SAMD5: variants seen among roughly 807,000 people sequenced by gnomAD.
The protein encoded by SAMD5 is sterile alpha motif domain-containing protein 5.
Under a neutral mutation model 11.3 loss-of-function variants are expected in SAMD5, and 13 were observed. The ratio of observed to expected loss-of-function variants is 1.15; its 90% confidence interval spans 0.75 to 1.83. The LOEUF (loss-of-function observed/expected upper bound fraction) is 1.83, where lower values mean the gene tolerates loss of function less well. Ranked by LOEUF, SAMD5 falls within the 40% of genes most tolerant of loss-of-function variation. The pLI is 0.00. For missense variants in SAMD5, 255 were observed against 239.1 expected (o/e 1.07, Z -0.44); for synonymous variants, 129 against 111.3 (o/e 1.16, Z -1.00).
At chr6:147,718,074 A>G (rs1004403851) in intron 1 of SAMD5, among the ~76,000 whole-genome samples, 3 of 152,160 alleles carry the variant, frequency 2.0e-5, no homozygotes, top group African/African-American at 2.4e-5. Flanking sequence ...TTTGAAAAGT[A>G]TTGGCTTTGA....
At chr6:147,909,616 CT>C in the SAMD5 span, among the ~76,000 whole-genome samples, 3,200 of 70,006 alleles carry the variant, frequency 0.046, 372 homozygotes, top group African/African-American at 0.11. Context: ...TTCTTTCTTT[CT>C]TTCTTTCTTT....
the SAMD5 span, among the ~76,000 whole-genome samples, chr6:147,837,394 T>C: frequency 6.6e-6 from 1 of 152,330 alleles, no homozygotes; most frequent in African/African-American, 2.4e-5. Context: ...GCCAACTCGC[T>C]CATGGCACTC....
intron 1 of SAMD5, among the ~76,000 whole-genome samples, chr6:147,541,053 G>T (rs925795853): frequency 1.4e-5 from 2 of 146,568 alleles, no homozygotes; most frequent in African/African-American, 5.0e-5. Context: ...GGGTTCAAGC[G>T]ATTCTCCTGC....
chr6:147,542,058 G>A (rs1036648102), intron 1 of SAMD5, among the ~76,000 whole-genome samples: 2 of 152,126 alleles, frequency 1.3e-5, no homozygotes, highest in African/African-American at 4.8e-5. Context: ...CCCGCAATGG[G>A]GCTACAGAAA....
chr6:147,610,011 G>A (rs1335674183), intron 1 of SAMD5, among the ~76,000 whole-genome samples: 1 of 152,154 alleles, frequency 6.6e-6, no homozygotes, highest in East Asian at 1.9e-4. Flanking sequence ...TCATCAAACA[G>A]TTGGGAAAAT....
intron 1 of SAMD5, among the ~76,000 whole-genome samples, chr6:147,544,173 C>T (rs1247374380): frequency 2.0e-5 from 3 of 152,134 alleles, no homozygotes; most frequent in African/African-American, 7.2e-5. Context: ...ACTTGCATTG[C>T]ATGATCAGCT....
chr6:147,889,838 A>G, the SAMD5 span, among the ~76,000 whole-genome samples: 1 of 152,292 alleles, frequency 6.6e-6, no homozygotes, highest in East Asian at 1.9e-4. Flanking sequence ...TGCGTTGATC[A>G]GGACTCCACT....
intron 1 of SAMD5, among the ~76,000 whole-genome samples, chr6:147,639,440 C>G (rs572190285): frequency 1.3e-5 from 2 of 152,280 alleles, no homozygotes; most frequent in South Asian, 4.1e-4. Flanking sequence ...GTGTTCAGAT[C>G]CCTCAAAGCA....
chr6:147,535,474 A>G (rs1187689204), intron 1 of SAMD5, among the ~76,000 whole-genome samples: 1 of 152,246 alleles, frequency 6.6e-6, no homozygotes, highest in Non-Finnish European at 1.5e-5. Context: ...AAGCCTTAAG[A>G]ACAGCTAACA....
At chr6:147,548,745 G>C (rs1170051535) in intron 1 of SAMD5, among the ~76,000 whole-genome samples, 1 of 152,116 alleles carries the variant, frequency 6.6e-6, no homozygotes, top group African/African-American at 2.4e-5. Flanking sequence ...AAAAGATGGT[G>C]CTGTGAAGGA....
At chr6:147,891,349 A>G in the SAMD5 span, among the ~76,000 whole-genome samples, 1 of 152,324 alleles carries the variant, frequency 6.6e-6, no homozygotes, top group South Asian at 2.1e-4. Context: ...TCAAAGGGAA[A>G]ATGAAAAGAA....
chr6:147,850,000 T>C, the SAMD5 span, among the ~76,000 whole-genome samples: 2 of 152,198 alleles, frequency 1.3e-5, no homozygotes, highest in Non-Finnish European at 2.9e-5. Context: ...AAGCAAATAG[T>C]ATGAGTTAAG....
intron 1 of SAMD5, among the ~76,000 whole-genome samples, chr6:147,647,754 C>A (rs775321012): frequency 2.6e-5 from 4 of 152,186 alleles, no homozygotes; most frequent in African/African-American, 4.8e-5. Flanking sequence ...GATAGAATAT[C>A]AGCACCCTTC....
the SAMD5 span, among the ~76,000 whole-genome samples, chr6:147,886,526 G>C: frequency 6.6e-6 from 1 of 152,066 alleles, no homozygotes; most frequent in Admixed American, 6.6e-5. Flanking sequence ...TTGAGTGTGG[G>C]TGGGACCTGT....
intron 1 of SAMD5, among the ~76,000 whole-genome samples, chr6:147,643,857 G>C (rs1309001688): frequency 6.6e-6 from 1 of 152,004 alleles, no homozygotes; most frequent in Non-Finnish European, 1.5e-5. Context: ...TTACTAAAAA[G>C]GATGGAAGGA....
the SAMD5 span, among the ~76,000 whole-genome samples, chr6:147,850,292 A>T: frequency 1.3e-5 from 2 of 152,076 alleles, no homozygotes; most frequent in Admixed American, 6.6e-5. Context: ...AGCCTAGTTT[A>T]AAAAAAACAC....
chr6:147,785,653 T>G, the SAMD5 span, among the ~76,000 whole-genome samples: 1 of 152,300 alleles, frequency 6.6e-6, no homozygotes, highest in Non-Finnish European at 1.5e-5. Flanking sequence ...GTCCATATTC[T>G]TACATAAAAT....
At chr6:147,943,967 G>GA in the SAMD5 span, among the ~76,000 whole-genome samples, 17 of 152,196 alleles carry the variant, frequency 1.1e-4, no homozygotes, top group East Asian at 3.1e-3. Flanking sequence ...ATGGACCAAG[G>GA]GCACCAGGGC....
the SAMD5 span, among the ~76,000 whole-genome samples, chr6:147,865,313 A>AGAGTGT: frequency 6.8e-6 from 1 of 147,162 alleles, no homozygotes; most frequent in Non-Finnish European, 1.5e-5. Flanking sequence ...TAGGTATATA[A>AGAGTGT]GTGTGTGTGT....
Sources: gnomAD v4.1 joint callset for allele counts (sites outside exome capture counted in the v4.1 genomes callset) on GRCh38, gnomAD v4.1.1 for gene constraint, MANE v1.5 for transcripts, NCBI Gene and HGNC (gene_info 2026-07-23, HGNC 2026-07-21) for gene names.